The following COMMD4 variants were observed in gnomAD, a reference collection of about 807,000 sequenced individuals.
COMMD4 encodes the protein COMM domain-containing protein 4.
Under a neutral mutation model 27.5 loss-of-function variants are expected in COMMD4, and 18 were observed. That is an observed-to-expected ratio of 0.65 (90% confidence interval 0.45 to 0.97). The LOEUF is 0.97. Among genes scored for constraint, COMMD4 ranks in the 50% least tolerant of loss-of-function variants. The pLI is 0.00. For synonymous variants in COMMD4, 108 were observed against 108.4 expected (o/e 1.00, Z 0.02); for missense variants, 243 against 250.0 (o/e 0.97, Z 0.19).
chr15:75,336,212 CGT>C (rs1172227217), intron 1 of COMMD4, 120 bp downstream of exon 1: 87 of 1,545,548 alleles, frequency 5.6e-5, no homozygotes, highest in Non-Finnish European at 7.3e-5. Flanking sequence ...TGTGTGCGGG[CGT>C]GAGGGCTGTG....
At chr15:75,336,566 T>TATCC (rs899115797) in intron 1 of COMMD4, 25 of 245,450 alleles carry the variant, frequency 1.0e-4, no homozygotes, top group African/African-American at 3.6e-4. Context: ...GGTTGAGACT[T>TATCC]ATCCATCCAT....
intron 3 of COMMD4, 47 bp from the exon 4 acceptor site, chr15:75,338,599 T>C (rs2071312099): frequency 6.2e-7 from 1 of 1,608,798 alleles, no homozygotes; most frequent in East Asian, 2.2e-5. Context: ...GGTGAGGGGC[T>C]GGTGAGCAGG....
Position 75,336,064 on chromosome 15 carries a change from T to G in COMMD4, c.-26T>G. ...GACCCTGCGGGACCGGAAAAAGAAA[T>G]TCCCGGGCCCTGGCTTCTTGGCGCG... is the stretch of plus-strand genomic sequence containing the variant. On this transcript the variant is annotated 5_prime_UTR_variant, in exon 1 of 8. Coordinates refer to ENST00000267935, the MANE Select transcript of COMMD4 (RefSeq NM_017828.5). 6.5e-7 allele frequency: 1 copy of G among 1,549,566 alleles called. No homozygotes were observed. Among genetic ancestry groups the G allele is most frequent in the Non-Finnish European group, 8.7e-7 (1 of 1,146,784 alleles).
At chr15:75,338,913 A>G (rs537743487) in intron 4 of COMMD4, 72 bp from the exon 5 acceptor site, 837 of 1,612,006 alleles carry the variant, frequency 5.2e-4, no homozygotes, top group East Asian at 2.5e-3. Context: ...GCTTTGAGCT[A>G]AAGTTAATAG....
chr15:75,336,469 C>G (rs927283140), intron 1 of COMMD4: 1 of 523,344 alleles, frequency 1.9e-6, no homozygotes, highest in Non-Finnish European at 3.3e-6. Flanking sequence ...GGGGCTTGTA[C>G]AAGAAGGTGC....
At position 75,339,327 on chromosome 15, in the gene COMMD4, G is replaced by A. The variant is rs377591297; in HGVS notation, c.365G>A (p.Arg122Gln). 7.4e-6 allele frequency: 12 copies of A among 1,611,550 alleles called. No homozygotes were observed. Among genetic ancestry groups the A allele is most frequent in the African/African-American group, 5.3e-5 (4 of 74,860 alleles). Residue 122 changes from arginine to glutamine, a missense_variant, in exon 6 of 8, where the codon CGG (arginine) becomes CAG (glutamine). Physicochemically the swap from Arg to Gln is conservative, Grantham distance 43 (BLOSUM62 1). Coordinates refer to ENST00000267935, the MANE Select transcript of COMMD4 (RefSeq NM_017828.5). ...CAAAGCCCCTTGCAGAAGCACTTGCGGGTCTGCAGCCTACGCAGTAAGTAT... is the reference window on the plus strand; with the variant it reads ...CAAAGCCCCTTGCAGAAGCACTTGCAGGTCTGCAGCCTACGCAGTAAGTAT... Reference protein sequence around the residue: ...EKQSPLQKHLRVCSLRMNRLA... With the variant: ...EKQSPLQKHLQVCSLRMNRLA...
intron 6 of COMMD4, 77 bp downstream of exon 6, chr15:75,339,421 G>T: frequency 6.4e-7 from 1 of 1,563,320 alleles, no homozygotes; most frequent in East Asian, 2.4e-5. Context: ...GAGAGTCCAG[G>T]GAGACGACTT....
At chr15:75,337,930 C>T (rs1358794013) in intron 1 of COMMD4, 132 bp from the exon 2 acceptor site, 1 of 891,300 alleles carries the variant, frequency 1.1e-6, no homozygotes, top group African/African-American at 1.7e-5. Context: ...TAGGGGAGAA[C>T]AAGAGGCCAG....
chr15:75,337,881 G>A (rs2071268098), intron 1 of COMMD4, 181 bp from the exon 2 acceptor site: 2 of 633,514 alleles, frequency 3.2e-6, no homozygotes, highest in Non-Finnish European at 5.6e-6. Flanking sequence ...TTTGGTGGCA[G>A]GGTGGGTCAG....
In COMMD4 at chr15:75,338,980, C is replaced by T. The variant is rs750601365; in HGVS notation, c.182-5C>T. 1 of 1,613,952 alleles carries T rather than the reference C, an allele frequency of 6.2e-7. No homozygotes were observed. Among genetic ancestry groups the T allele is most frequent in the Non-Finnish European group, 8.5e-7 (1 of 1,179,880 alleles). On this transcript the variant is annotated splice_polypyrimidine_tract_variant and splice_region_variant and intron_variant, in intron 4 of 7. Coordinates refer to ENST00000267935, the MANE Select transcript of COMMD4 (RefSeq NM_017828.5). ...CACCCCCTGCCCCACCCACGGGTCCCTCAGAGTCAGGCGATGTGAAGGCCA... is the reference window on the plus strand; with the variant it reads ...CACCCCCTGCCCCACCCACGGGTCCTTCAGAGTCAGGCGATGTGAAGGCCA...
downstream of COMMD4, among the ~76,000 whole-genome samples, chr15:75,340,666 GTTAT>G (rs757245427): frequency 4.6e-5 from 7 of 152,010 alleles, no homozygotes; most frequent in East Asian, 1.9e-4. Flanking sequence ...CTGCCATCTT[GTTAT>G]TTATTTATTT....
chr15:75,342,515 G>A (rs1354652811), downstream of COMMD4: 1 of 152,172 alleles, frequency 6.6e-6, no homozygotes, highest in African/African-American at 2.4e-5. Flanking sequence ...TCCAGCCTGG[G>A]TGACAGTGAG....
chr15:75,341,103 C>A (rs924066810), downstream of COMMD4: 18 of 152,632 alleles, frequency 1.2e-4, no homozygotes, highest in African/African-American at 4.3e-4. Context: ...TGTGCGCACA[C>A]GAGGTGGCTG....
At chr15:75,336,441 C>A (rs1397714667) in intron 1 of COMMD4, 4 of 598,920 alleles carry the variant, frequency 6.7e-6, no homozygotes, top group Non-Finnish European at 1.1e-5. Context: ...AGGATACCCC[C>A]TTCCCCAGCC....
chr15:75,337,597 A>C (rs2071252985), intron 1 of COMMD4: 1 of 161,880 alleles, frequency 6.2e-6, no homozygotes, highest in South Asian at 1.8e-4. Context: ...TCTCAAAAAA[A>C]AAAAAAAAAG....
chr15:75,342,258 G>A (rs11072542), downstream of COMMD4: 98,395 of 151,806 alleles, frequency 0.65, 33,429 homozygotes, highest in Non-Finnish European at 0.75. Context: ...GTTGAAAAAA[G>A]GGCCTGGGGC....
Position 75,339,783 on chromosome 15 carries a change from T to C in COMMD4, c.464T>C (p.Val155Ala). 1 of 1,614,132 alleles carries C rather than the reference T, an allele frequency of 6.2e-7. No individual in the cohort carries two copies. The highest frequency in any genetic ancestry group is 8.5e-7 in the Non-Finnish European group (1 of 1,180,014). The change falls in exon 7 of 8, where the codon GTG becomes GCG. Residue 155 changes from valine to alanine, a missense_variant. Physicochemically the swap from Val to Ala is moderately conservative, Grantham distance 64. Transcript: ENST00000267935. ...SLLQSVEEPMVHLRLEVAAAP... is the reference protein window; with the variant it reads ...SLLQSVEEPMAHLRLEVAAAP... The stretch of plus-strand genomic sequence containing the variant: ...CTGCAATCCGTGGAAGAGCCCATGG[T>C]GCACCTGCGGCTGGAGGTGGCAGCT...
At chr15:75,337,912 C>T in intron 1 of COMMD4, 150 bp from the exon 2 acceptor site, 2 of 752,570 alleles carry the variant, frequency 2.7e-6, no homozygotes, top group East Asian at 2.7e-5. Flanking sequence ...TACTCAACAG[C>T]CTGGTGATAG....
intron 1 of COMMD4, chr15:75,337,560 C>G (rs2071250266): frequency 1.3e-5 from 2 of 158,142 alleles, no homozygotes; most frequent in Admixed American, 6.1e-5. Context: ...CCATTGCACT[C>G]CAGCCTGGGG....
Sources: allele counts gnomAD v4.1 joint callset (sites outside exome capture counted in the v4.1 genomes callset), GRCh38; gene constraint gnomAD v4.1.1; transcripts MANE v1.5; gene names NCBI Gene and HGNC (gene_info 2026-07-23, HGNC 2026-07-21).